The following TSPAN9 variants were observed in gnomAD, a reference collection of about 807,000 sequenced individuals.
The protein encoded by TSPAN9 is tetraspanin-9.
A neutral mutation model predicts 31.0 loss-of-function variants in TSPAN9; 16 were observed. That is an observed-to-expected ratio of 0.52 (90% CI 0.35 to 0.78). TSPAN9 has a LOEUF of 0.78. TSPAN9 is among the 30% of genes least tolerant of loss of function. TSPAN9 has a pLI of 0.01. For synonymous variants in TSPAN9, 145 were observed against 121.6 expected (o/e 1.19, Z -1.27); for missense variants, 272 against 312.5 (o/e 0.87, Z 0.98).
chr12:3,175,325 CAGAG>C (rs1402431339), intron 2 of TSPAN9, among the ~76,000 whole-genome samples: 13 of 152,140 alleles, frequency 8.5e-5, no homozygotes, highest in African/African-American at 2.2e-4. Flanking sequence ...GGGAGTGAGA[CAGAG>C]AGGCAGAGAA....
chr12:3,129,433 G>A (rs12812759), intron 2 of TSPAN9, among the ~76,000 whole-genome samples: 20,737 of 152,204 alleles, frequency 0.14, 1,744 homozygotes, highest in Middle Eastern at 0.22. Flanking sequence ...AAGATTAATA[G>A]TTCCTTCTAC....
At chr12:3,111,598 G>A (rs528670648) in intron 2 of TSPAN9, among the ~76,000 whole-genome samples, 2 of 150,112 alleles carry the variant, frequency 1.3e-5, no homozygotes, top group East Asian at 3.9e-4. Context: ...GTGTTTACGT[G>A]CATTACCTTT....
In TSPAN9 at chr12:3,100,570, T is replaced by A. The variant is rs562796209; in HGVS notation, c.-18+16851T>A. The stretch of plus-strand genomic sequence containing the variant: ...CCGATGTCTGAAGTAGTTTCGTGTG[T>A]TCTGTCCAATTTTTCAGTTGTTTTA... On this transcript the variant is annotated intron_variant, in intron 2 of 8. Coordinates refer to ENST00000011898, the MANE Select transcript of TSPAN9 (RefSeq NM_006675.5). Among the ~76,000 whole-genome samples the A allele has an allele frequency of 3.4e-4, 52 of 152,286 alleles. 1 individual carries two copies. The South Asian group carries it at 9.1e-3, about 27-fold the overall frequency.
At chr12:3,125,354 G>T (rs1480490267) in intron 2 of TSPAN9, among the ~76,000 whole-genome samples, 1 of 152,122 alleles carries the variant, frequency 6.6e-6, no homozygotes, top group Non-Finnish European at 1.5e-5. Context: ...TGCAAAACAG[G>T]CTCCAGCACT....
chr12:3,211,381 GTCTCAATA>G (rs1008553446), intron 3 of TSPAN9, among the ~76,000 whole-genome samples: 1 of 152,068 alleles, frequency 6.6e-6, no homozygotes, highest in African/African-American at 2.4e-5. Context: ...TTTATAATAA[GTCTCAATA>G]TCTGGTAGGG....
At chr12:3,271,570 G>GT (rs1862679461) in intron 3 of TSPAN9, among the ~76,000 whole-genome samples, 1 of 151,684 alleles carries the variant, frequency 6.6e-6, no homozygotes, top group Admixed American at 6.6e-5. Context: ...GAAGAATGGA[G>GT]TGCATTGTGG....
intron 2 of TSPAN9, among the ~76,000 whole-genome samples, chr12:3,086,016 A>G (rs1430184351): frequency 6.6e-6 from 1 of 152,150 alleles, no homozygotes; most frequent in Non-Finnish European, 1.5e-5. Context: ...GATTTGGTTT[A>G]AACTCTCTTC....
intron 2 of TSPAN9, among the ~76,000 whole-genome samples, chr12:3,113,829 G>A (rs1012776181): frequency 2.0e-5 from 3 of 152,188 alleles, no homozygotes; most frequent in African/African-American, 7.2e-5. Flanking sequence ...TTGCAAATGT[G>A]GCTCCCTCCA....
At chr12:3,079,438 C>T (rs1288880524) in intron 1 of TSPAN9, among the ~76,000 whole-genome samples, 1 of 152,088 alleles carries the variant, frequency 6.6e-6, no homozygotes, top group Non-Finnish European at 1.5e-5. Flanking sequence ...CTGCCATCTG[C>T]CTCTCTGCCC....
intron 2 of TSPAN9, among the ~76,000 whole-genome samples, chr12:3,197,593 G>A (rs1382168261): frequency 6.6e-6 from 1 of 152,044 alleles, no homozygotes; most frequent in Non-Finnish European, 1.5e-5. Flanking sequence ...ACTCAGAATG[G>A]GAGAGCTCTC....
chr12:3,282,809 G>T (rs1425894052), intron 8 of TSPAN9, among the ~76,000 whole-genome samples: 3 of 152,238 alleles, frequency 2.0e-5, no homozygotes, highest in Non-Finnish European at 4.4e-5. Flanking sequence ...GCAGAGGTTC[G>T]ATGGCTTCTG....
intron 3 of TSPAN9, among the ~76,000 whole-genome samples, chr12:3,242,571 C>A (rs979098409): frequency 6.6e-6 from 1 of 152,220 alleles, no homozygotes; most frequent in African/African-American, 2.4e-5. Context: ...GCCAGCTCCC[C>A]GAGGATGGGG....
chr12:3,152,368 G>T (rs753318046), intron 2 of TSPAN9, among the ~76,000 whole-genome samples: 2 of 152,234 alleles, frequency 1.3e-5, no homozygotes, highest in Non-Finnish European at 2.9e-5. Flanking sequence ...CATCCCACCG[G>T]CCCCTCTTTT....
chr12:3,131,155 A>G (rs1279424451), intron 2 of TSPAN9, among the ~76,000 whole-genome samples: 1 of 149,646 alleles, frequency 6.7e-6, no homozygotes, highest in East Asian at 1.9e-4. Context: ...CCGGATGTTT[A>G]TGGAGCCCTT....
At chr12:3,118,993 G>A (rs1052613715) in intron 2 of TSPAN9, among the ~76,000 whole-genome samples, 18 of 152,256 alleles carry the variant, frequency 1.2e-4, no homozygotes, top group African/African-American at 4.3e-4. Flanking sequence ...AGTATGGATG[G>A]AGTAGGGTGA....
At chr12:3,276,824 G>C (rs1327169734) in intron 3 of TSPAN9, among the ~76,000 whole-genome samples, 1 of 152,166 alleles carries the variant, frequency 6.6e-6, no homozygotes, top group Admixed American at 6.5e-5. Flanking sequence ...ATACGCAGGT[G>C]TTCACTTGGG....
chr12:3,179,286 A>G (rs2098357524), intron 2 of TSPAN9, among the ~76,000 whole-genome samples: 1 of 151,776 alleles, frequency 6.6e-6, no homozygotes, highest in South Asian at 2.1e-4. Context: ...CACTCACCCC[A>G]CTCTGACTCC....
chr12:3,264,609 G>A (rs558637007), intron 3 of TSPAN9, among the ~76,000 whole-genome samples: 3 of 152,308 alleles, frequency 2.0e-5, no homozygotes, highest in Admixed American at 6.5e-5. Context: ...GGCTGGGGCC[G>A]GGGCAGTGCG....
At chr12:3,206,933 A>AAGAGGGTCCAGGGC (rs1340120891) in intron 3 of TSPAN9, among the ~76,000 whole-genome samples, 14 of 151,946 alleles carry the variant, frequency 9.2e-5, no homozygotes, top group African/African-American at 3.4e-4. Flanking sequence ...GGGCAGGGAG[A>AAGAGGGTCCAGGGC]AGGGTGGGAA....
Sources: allele counts gnomAD v4.1 joint callset (sites outside exome capture counted in the v4.1 genomes callset), GRCh38; gene constraint gnomAD v4.1.1; transcripts MANE v1.5; gene names NCBI Gene and HGNC (gene_info 2026-07-23, HGNC 2026-07-21).